NPAS3: variants seen among roughly 807,000 people sequenced by gnomAD.
NPAS3 encodes the protein neuronal PAS domain protein 3, also known as neuronal PAS domain-containing protein 3.
A neutral mutation model predicts 73.1 loss-of-function variants in NPAS3; 14 were observed. The observed-to-expected ratio is 0.19, with a 90% confidence interval of 0.13 to 0.30. NPAS3 has a LOEUF of 0.30. Ranked by LOEUF, NPAS3 falls within the 10% of genes least tolerant of loss-of-function variation. The pLI is 1.00. For synonymous variants in NPAS3, 620 were observed against 541.5 expected, an observed-to-expected ratio of 1.14 and a Z score of -2.01; for missense variants, 1,096 against 1,250.0, an observed-to-expected ratio of 0.88 and a Z score of 1.86.
intron 2 of NPAS3, among the ~76,000 whole-genome samples, chr14:33,156,343 A>T (rs893839347): frequency 6.6e-6 from 1 of 152,168 alleles, no homozygotes; most frequent in Non-Finnish European, 1.5e-5. Context: ...TACCTGCTGG[A>T]TCAGAATGCC....
intron 4 of NPAS3, among the ~76,000 whole-genome samples, chr14:33,505,750 C>T (rs984553667): frequency 1.3e-5 from 2 of 151,962 alleles, no homozygotes; most frequent in African/African-American, 4.8e-5. Flanking sequence ...CAGTTGAACA[C>T]CAATAGGCAG....
intron 1 of NPAS3, among the ~76,000 whole-genome samples, chr14:33,025,708 A>T (rs2039777035): frequency 6.6e-6 from 1 of 152,116 alleles, no homozygotes. Context: ...CTGATGGTTT[A>T]AGAGTGTGTG....
At chr14:33,545,373 T>C (rs2054793159) in intron 4 of NPAS3, among the ~76,000 whole-genome samples, 1 of 152,228 alleles carries the variant, frequency 6.6e-6, no homozygotes, top group Non-Finnish European at 1.5e-5. Flanking sequence ...ATAGTCATCA[T>C]GGGCACCATT....
chr14:33,265,990 ATATG>A lies in NPAS3; in HGVS notation c.385+50567_385+50570del, dbSNP rs201364734. On this transcript the variant is annotated intron_variant, in intron 3 of 11. Coordinates refer to ENST00000356141, the Ensembl canonical transcript of NPAS3. ...TATATGCACTTATTTATATACTTAA[ATATG>A]TAATATAAATAAAAATATATAAATA... Among the ~76,000 whole-genome samples, 1,245 of 151,190 alleles carry A rather than the reference ATATG, an allele frequency of 8.2e-3. 14 individuals are homozygous for A. Among genetic ancestry groups the A allele is most frequent in the African/African-American group, 0.028 (1,145 of 41,390 alleles).
At chr14:33,739,357 C>T (rs1165511277) in intron 7 of NPAS3, among the ~76,000 whole-genome samples, 1 of 152,130 alleles carries the variant, frequency 6.6e-6, no homozygotes, top group Non-Finnish European at 1.5e-5. Flanking sequence ...TACCCAGCCT[C>T]CTTTATGATA....
At chr14:33,055,434 C>A (rs118089536) in intron 1 of NPAS3, among the ~76,000 whole-genome samples, 173 of 152,202 alleles carry the variant, frequency 1.1e-3, no homozygotes, top group Admixed American at 1.7e-3. Flanking sequence ...ATAGCAAACT[C>A]TATATAAATT....
At chr14:33,320,411 A>T (rs2043391020) in intron 3 of NPAS3, among the ~76,000 whole-genome samples, 1 of 152,204 alleles carries the variant, frequency 6.6e-6, no homozygotes. Flanking sequence ...CACGTTGTGC[A>T]CGTGTACCCT....
At chr14:33,147,473 G>A (rs2044273667) in intron 2 of NPAS3, among the ~76,000 whole-genome samples, 1 of 151,746 alleles carries the variant, frequency 6.6e-6, no homozygotes, top group South Asian at 2.1e-4. Flanking sequence ...TAGCCAATAT[G>A]CTAGGTGATA....
chr14:33,391,254 C>T (rs934883133), intron 4 of NPAS3, among the ~76,000 whole-genome samples: 5 of 134,494 alleles, frequency 3.7e-5, no homozygotes, highest in East Asian at 4.7e-4. Context: ...AGTGCAATGG[C>T]GCGATCTCGG....
At chr14:33,449,829 A>G (rs1360128964) in intron 4 of NPAS3, among the ~76,000 whole-genome samples, 4 of 152,154 alleles carry the variant, frequency 2.6e-5, no homozygotes, top group African/African-American at 9.7e-5. Flanking sequence ...TTGTAACCAT[A>G]TTTCAATAGC....
chr14:33,358,019 A>AC (rs1305707279), intron 3 of NPAS3, among the ~76,000 whole-genome samples: 4 of 151,932 alleles, frequency 2.6e-5, no homozygotes, highest in Non-Finnish European at 5.9e-5. Context: ...CCATAATGTG[A>AC]CCCCTCCCAT....
chr14:33,577,945 G>A (rs1470036285), intron 5 of NPAS3, among the ~76,000 whole-genome samples: 4 of 152,198 alleles, frequency 2.6e-5, no homozygotes, highest in Admixed American at 2.0e-4. Context: ...AAATAAAAAG[G>A]AGTCTTAGTG....
At chr14:33,139,856 G>T (rs2043979289) in intron 2 of NPAS3, among the ~76,000 whole-genome samples, 1 of 152,038 alleles carries the variant, frequency 6.6e-6, no homozygotes, top group Non-Finnish European at 1.5e-5. Flanking sequence ...GGACAGAACT[G>T]ATTGAATGTA....
At chr14:33,176,614 T>A (rs1255841740) in intron 2 of NPAS3, among the ~76,000 whole-genome samples, 1 of 152,228 alleles carries the variant, frequency 6.6e-6, no homozygotes, top group Non-Finnish European at 1.5e-5. Context: ...TTTATCTATT[T>A]ATCTGTTGAT....
At chr14:33,070,136 C>G (rs2041433045) in intron 2 of NPAS3, among the ~76,000 whole-genome samples, 2 of 152,046 alleles carry the variant, frequency 1.3e-5, no homozygotes, top group Non-Finnish European at 2.9e-5. Flanking sequence ...GATATGACTC[C>G]TAGTACATAA....
chr14:33,333,343 T>G (rs1346056204), intron 3 of NPAS3, among the ~76,000 whole-genome samples: 1 of 152,248 alleles, frequency 6.6e-6, no homozygotes, highest in Non-Finnish European at 1.5e-5. Context: ...ATGTTTAACA[T>G]TTTCATGATA....
intron 2 of NPAS3, among the ~76,000 whole-genome samples, chr14:33,208,062 G>T (rs2046896269): frequency 6.6e-6 from 1 of 151,770 alleles, no homozygotes; most frequent in Non-Finnish European, 1.5e-5. Flanking sequence ...TCAAGGTAAA[G>T]TGCAATTTAT....
chr14:33,714,008 C>T (rs181952735), intron 6 of NPAS3, among the ~76,000 whole-genome samples: 17 of 152,194 alleles, frequency 1.1e-4, no homozygotes, highest in African/African-American at 3.4e-4. Flanking sequence ...AAAAGGGTCA[C>T]GACATTCCTT....
At chr14:33,073,957 G>C (rs1219458988) in intron 2 of NPAS3, among the ~76,000 whole-genome samples, 1 of 152,186 alleles carries the variant, frequency 6.6e-6, no homozygotes, top group African/African-American at 2.4e-5. Context: ...TGAACATGGG[G>C]TGGGGTAGAG....
Sources: allele counts gnomAD v4.1 joint callset (sites outside exome capture counted in the v4.1 genomes callset), GRCh38; gene constraint gnomAD v4.1.1; transcripts MANE v1.5; gene names NCBI Gene and HGNC (gene_info 2026-07-23, HGNC 2026-07-21).